CA8: variants seen among roughly 807,000 people sequenced by gnomAD.
CA8 encodes the protein carbonic anhydrase-related protein.
Under a neutral mutation model 41.4 loss-of-function variants are expected in CA8, and 22 were observed. The ratio of observed to expected loss-of-function variants is 0.53; its 90% confidence interval spans 0.38 to 0.76. The LOEUF (loss-of-function observed/expected upper bound fraction) is 0.76. Among genes scored for constraint, CA8 ranks in the 30% least tolerant of loss-of-function variants. The probability of loss-of-function intolerance (pLI) is 0.00; values close to 1 mark genes in which losing one functional copy is unlikely to be tolerated. For synonymous variants in CA8, 121 were observed against 130.6 expected (o/e 0.93, Z 0.50); for missense variants, 270 against 352.8 (o/e 0.77, Z 1.88).
At chr8:60,253,130 G>A (rs998237492) in intron 3 of CA8, among the ~76,000 whole-genome samples, 2 of 152,126 alleles carry the variant, frequency 1.3e-5, no homozygotes, top group Non-Finnish European at 2.9e-5. Context: ...AGCTACTCAG[G>A]AGACTGAGGT....
chr8:60,190,251 G>A (rs1472702033), intron 8 of CA8, among the ~76,000 whole-genome samples: 1 of 151,112 alleles, frequency 6.6e-6, no homozygotes, highest in Non-Finnish European at 1.5e-5. Flanking sequence ...AATAATGCTT[G>A]AACTATTTTA....
At position 60,281,227 on chromosome 8, in the gene CA8, A is replaced by AGC; in HGVS notation, c.-82_-81dup. On this transcript the variant is annotated 5_prime_UTR_variant, in exon 1 of 9. Transcript: ENST00000317995. ...GGGCGCGGGGCTGGAGCCGGAGCGG[A>AGC]GCGCGCGTGGGGGAGTGTGAGCACG... 9.7e-7 allele frequency: 1 copy of AGC among 1,028,370 alleles called. No homozygotes were observed. Among genetic ancestry groups the AGC allele is most frequent in the African/African-American group, 1.6e-5 (1 of 62,782 alleles). The allele number at this position is 1,028,370 out of a possible 1,614,324, so 63.7% of individuals were successfully genotyped here. A position where few individuals can be genotyped will look rare whatever the true frequency, so the allele number is the denominator to read the frequency against.
chr8:60,213,554 C>A (rs2130437875), intron 7 of CA8, among the ~76,000 whole-genome samples: 1 of 152,304 alleles, frequency 6.6e-6, no homozygotes, highest in East Asian at 1.9e-4. Flanking sequence ...GCCCACATGG[C>A]CACCAAGCAC....
chr8:60,216,875 T>G (rs1400790397), intron 7 of CA8, among the ~76,000 whole-genome samples: 2 of 152,152 alleles, frequency 1.3e-5, no homozygotes, highest in Non-Finnish European at 2.9e-5. Context: ...AGATTTGTTG[T>G]GATTATAAAG....
chr8:60,231,621 C>A (rs1807649900), intron 4 of CA8, among the ~76,000 whole-genome samples: 1 of 152,192 alleles, frequency 6.6e-6, no homozygotes, highest in Non-Finnish European at 1.5e-5. Context: ...TTTCCAGATA[C>A]TCTTTCACCT....
chr8:60,197,137 A>G (rs542555021), intron 8 of CA8, among the ~76,000 whole-genome samples: 4 of 152,190 alleles, frequency 2.6e-5, no homozygotes, highest in Non-Finnish European at 5.9e-5. Context: ...TGACCTAGTA[A>G]TCTCATTTCT....
chr8:60,208,606 A>G (rs772369606), intron 8 of CA8, 144 bp downstream of exon 8: 9 of 701,018 alleles, frequency 1.3e-5, no homozygotes, highest in Admixed American at 2.3e-5. Context: ...TAATTAACAG[A>G]GCTCAAGAAT....
At chr8:60,246,142 C>T (rs1231096444) in intron 3 of CA8, among the ~76,000 whole-genome samples, 1 of 152,164 alleles carries the variant, frequency 6.6e-6, no homozygotes. Flanking sequence ...GTCACAAGTG[C>T]CTAACAAGTA....
intron 8 of CA8, among the ~76,000 whole-genome samples, chr8:60,195,401 A>G (rs1806253077): frequency 6.6e-6 from 1 of 152,234 alleles, no homozygotes; most frequent in South Asian, 2.1e-4. Flanking sequence ...GTTCACACAC[A>G]TCTTACTCCT....
At position 60,187,118 on chromosome 8, in the gene CA8, T is replaced by G. The variant is rs1805986835; in HGVS notation, c.*2903A>C. 6.6e-6 allele frequency among the ~76,000 whole-genome samples: 1 copy of G among 152,026 alleles called. No homozygotes were observed. The highest frequency in any genetic ancestry group is 1.5e-5 in the Non-Finnish European group (1 of 67,932). ...AACCTCGATAAATTTAAGACTGAGA[T>G]CATATAAAGTATGTTTTCTGATCAC... On this transcript the variant is annotated 3_prime_UTR_variant, in exon 9 of 9. Transcript: ENST00000317995.
chr8:60,274,361 G>T (rs548670567), intron 2 of CA8, among the ~76,000 whole-genome samples: 14 of 152,168 alleles, frequency 9.2e-5, no homozygotes, highest in Non-Finnish European at 2.1e-4. Flanking sequence ...CGGCGGTAGG[G>T]GGGTGGTGCT....
intron 7 of CA8, among the ~76,000 whole-genome samples, chr8:60,211,963 C>T (rs1279285416): frequency 6.6e-6 from 1 of 152,176 alleles, no homozygotes; most frequent in Non-Finnish European, 1.5e-5. Flanking sequence ...CTTCCAGAGA[C>T]CATTATTATC....
chr8:60,271,199 C>G (rs1379409057), intron 2 of CA8, among the ~76,000 whole-genome samples: 1 of 151,936 alleles, frequency 6.6e-6, no homozygotes, highest in Non-Finnish European at 1.5e-5. Flanking sequence ...TAAAAATTAG[C>G]TGGGCATGGT....
chr8:60,279,656 T>C (rs1446565219), intron 2 of CA8, 33 bp downstream of exon 2: 4 of 1,587,894 alleles, frequency 2.5e-6, no homozygotes, highest in Middle Eastern at 1.7e-4. Context: ...ACTTCTAGTT[T>C]AAAAGACCAC....
At position 60,190,957 on chromosome 8, in the gene CA8, T is replaced by TATATATATATATATATATATATATAC. The variant is rs1554573722; in HGVS notation, c.*36-973_*36-972insGTATATATATATATATATATATATAT. Among the ~76,000 whole-genome samples, 286 of 103,932 alleles carry TATATATATATATATATATATATATAC rather than the reference T, an allele frequency of 2.8e-3. 1 individual carries two copies. Among genetic ancestry groups the TATATATATATATATATATATATATAC allele is most frequent in the Middle Eastern group, 0.016 (3 of 186 alleles). 68.2% of individuals were successfully genotyped at this position (103,932 alleles called of 152,430 possible). A position where few individuals can be genotyped will look rare whatever the true frequency, so the allele number is the denominator to read the frequency against. On this transcript the variant is annotated intron_variant, in intron 8 of 8. Transcript: ENST00000317995. ...CACACACTATATATATATATATATA[T>TATATATATATATATATATATATATAC]ACACACACACATTTCTACATATGCA...
At chr8:60,242,932 C>T (rs184773402) in intron 3 of CA8, among the ~76,000 whole-genome samples, 38 of 152,352 alleles carry the variant, frequency 2.5e-4, no homozygotes, top group African/African-American at 9.1e-4. Context: ...CTGAACTCAT[C>T]TACTTACTTT....
intron 7 of CA8, among the ~76,000 whole-genome samples, chr8:60,218,748 A>G (rs1022311383): frequency 1.3e-5 from 2 of 152,206 alleles, no homozygotes; most frequent in African/African-American, 4.8e-5. Flanking sequence ...TATCCTCGAG[A>G]CAAATTGTAG....
intron 4 of CA8, among the ~76,000 whole-genome samples, 155 bp from the exon 5 acceptor site, chr8:60,227,090 G>C (rs1807467872): frequency 6.6e-6 from 1 of 152,134 alleles, no homozygotes; most frequent in Non-Finnish European, 1.5e-5. Flanking sequence ...AGGAGATCGA[G>C]GCCATCCTGG....
chr8:60,272,515 C>T (rs190579810), intron 2 of CA8, among the ~76,000 whole-genome samples: 1 of 152,280 alleles, frequency 6.6e-6, no homozygotes, highest in African/African-American at 2.4e-5. Context: ...CTCTTCCAGA[C>T]ATACTGAAGG....
Sources: gnomAD v4.1 joint callset for allele counts (sites outside exome capture counted in the v4.1 genomes callset) on GRCh38, gnomAD v4.1.1 for gene constraint, MANE v1.5 for transcripts, NCBI Gene and HGNC (gene_info 2026-07-23, HGNC 2026-07-21) for gene names.